WDPCP: variants seen among roughly 807,000 people sequenced by gnomAD.
WDPCP encodes WD repeat-containing and planar cell polarity effector protein fritz homolog.
A neutral mutation model predicts 93.1 loss-of-function variants in WDPCP; 71 were observed. The ratio of observed to expected loss-of-function variants is 0.76; its 90% CI spans 0.63 to 0.93. The LOEUF (loss-of-function observed/expected upper bound fraction) is 0.93, where lower values mean the gene tolerates loss of function less well. Ranked by LOEUF, WDPCP falls within the 40% of genes least tolerant of loss-of-function variation. WDPCP has a pLI of 0.00. For synonymous variants in WDPCP, 315 were observed against 315.0 expected (o/e 1.00, Z 0.00); for missense variants, 844 against 887.4 (o/e 0.95, Z 0.62).
chr2:63,807,787 A>C (rs1275247876), intron 2 of WDPCP, among the ~76,000 whole-genome samples: 5 of 152,226 alleles, frequency 3.3e-5, no homozygotes, highest in Non-Finnish European at 7.3e-5. Flanking sequence ...AGGAATACTA[A>C]ATACAAGACT....
intron 13 of WDPCP, among the ~76,000 whole-genome samples, chr2:63,296,703 A>G (rs536923108): frequency 6.6e-6 from 1 of 152,336 alleles, no homozygotes; most frequent in Non-Finnish European, 1.5e-5. Flanking sequence ...AGCAGCCATA[A>G]AAATTAAAAT....
intron 12 of WDPCP, among the ~76,000 whole-genome samples, chr2:63,373,074 G>A (rs1030367248): frequency 8.5e-5 from 13 of 152,108 alleles, no homozygotes; most frequent in Middle Eastern, 3.4e-3. Context: ...GGTGAGCCAA[G>A]ATAACTCCAT....
chr2:63,282,625 CTGAA>C (rs1459942787), intron 13 of WDPCP, among the ~76,000 whole-genome samples: 3 of 152,126 alleles, frequency 2.0e-5, no homozygotes, highest in East Asian at 3.8e-4. Flanking sequence ...TTGGATCTCT[CTGAA>C]TGTAATTTTT....
At chr2:63,604,897 T>C (rs1392095812) in intron 3 of WDPCP, 2 of 1,611,832 alleles carry the variant, frequency 1.2e-6, no homozygotes, top group Non-Finnish European at 8.5e-7. Context: ...TGAGCCTTCT[T>C]AACACTGAGC....
intron 7 of WDPCP, chr2:63,437,810 G>A: frequency 6.5e-7 from 1 of 1,543,122 alleles, no homozygotes; most frequent in South Asian, 1.2e-5. Flanking sequence ...CAATGGATGA[G>A]ATGTATTTAG....
intron 17 of WDPCP, among the ~76,000 whole-genome samples, chr2:63,139,725 T>C (rs1319456573): frequency 6.6e-6 from 1 of 152,244 alleles, no homozygotes; most frequent in Non-Finnish European, 1.5e-5. Flanking sequence ...CTTTGTTAGA[T>C]GTATAGATTG....
chr2:63,650,342 G>C (rs1225411118), intron 3 of WDPCP, among the ~76,000 whole-genome samples: 1 of 152,172 alleles, frequency 6.6e-6, no homozygotes, highest in Non-Finnish European at 1.5e-5. Flanking sequence ...TTATGCTGCT[G>C]GTCCAGGGAC....
At chr2:63,640,953 T>C in intron 3 of WDPCP, among the ~76,000 whole-genome samples, 1 of 152,186 alleles carries the variant, frequency 6.6e-6, no homozygotes, top group East Asian at 1.9e-4. Context: ...ACCATCCCCA[T>C]CTTCCTCCTA....
At position 63,338,455 on chromosome 2, in the gene WDPCP, G is replaced by A. The variant is rs148673921; in HGVS notation, c.1749-25144C>T. Among the ~76,000 whole-genome samples, 209 of 151,016 alleles carry A rather than the reference G, an allele frequency of 1.4e-3. 1 individual carries two copies. The highest frequency in any genetic ancestry group is 4.8e-3 in the African/African-American group (198 of 41,204). ...TAATTCCAGCTACTCCAGAAGCTGA[G>A]GCAGGAGAACCACCTGAACCCAGGA... On this transcript the variant is annotated intron_variant, in intron 12 of 17. Coordinates refer to ENST00000272321, the MANE Select transcript of WDPCP (RefSeq NM_015910.7).
At chr2:63,205,597 G>T (rs780589717) in intron 14 of WDPCP, among the ~76,000 whole-genome samples, 2 of 152,040 alleles carry the variant, frequency 1.3e-5, no homozygotes, top group Non-Finnish European at 2.9e-5. Flanking sequence ...TATTATAAAT[G>T]GGATTACTTT....
At chr2:63,566,430 CTTCT>C (rs1425550392) in intron 1 of WDPCP, among the ~76,000 whole-genome samples, 1 of 152,232 alleles carries the variant, frequency 6.6e-6, no homozygotes, top group Non-Finnish European at 1.5e-5. Flanking sequence ...AGCCAATGTA[CTTCT>C]TTCTTGTATT....
rs762871297 is a variant in WDPCP at position 63,153,519 on chromosome 2, T to A, written c.2134A>T (p.Met712Leu). 5 of 1,612,718 alleles carry A rather than the reference T, an allele frequency of 3.1e-6. No homozygotes were observed. In the South Asian group the frequency reaches 4.4e-5, roughly 14 times the overall value. The change falls in exon 16 of 18, where the codon ATG becomes TTG. Residue 712 changes from methionine to leucine, a missense_variant. By Grantham distance (15) the Met-to-Leu change is conservative. Coordinates refer to ENST00000272321, the MANE Select transcript of WDPCP (RefSeq NM_015910.7). ...LEKDICSGFL[M>L]TNTCNAEDGE... is the part of the protein sequence containing the mutation. ...CCTTCTGCATTACAGGTATTAGTCA[T>A]CAAAAATCCAGAACAGATGTCTTTT...
chr2:63,555,958 TC>T (rs1706084856), intron 1 of WDPCP, among the ~76,000 whole-genome samples: 1 of 151,926 alleles, frequency 6.6e-6, no homozygotes, highest in Non-Finnish European at 1.5e-5. Flanking sequence ...CTCCAAATAA[TC>T]CTCTCCAGCA....
chr2:63,291,582 G>T (rs899638267), intron 13 of WDPCP, among the ~76,000 whole-genome samples: 2 of 152,162 alleles, frequency 1.3e-5, no homozygotes, highest in Non-Finnish European at 2.9e-5. Context: ...GCTAAGGTGG[G>T]CAGATCTCTT....
rs773328792 is a variant in WDPCP at position 63,428,918 on chromosome 2, C to T, written c.825+4827G>A. ...CAACACAAATAAATGGAAAAACATT[C>T]CATGCTCAGAGATTGGAAGAATCAT... is the stretch of plus-strand genomic sequence containing the variant. On this transcript the variant is annotated intron_variant, in intron 9 of 17. Coordinates refer to ENST00000272321, the MANE Select transcript of WDPCP (RefSeq NM_015910.7). Among the ~76,000 whole-genome samples the T allele has an allele frequency of 4.3e-4, 65 of 152,168 alleles. 1 individual carries two copies. Among genetic ancestry groups the T allele is most frequent in the Non-Finnish European group, 1.0e-4 (7 of 68,026 alleles).
intron 3 of WDPCP, chr2:63,622,041 C>T (rs1444853400): frequency 6.3e-5 from 43 of 686,198 alleles, no homozygotes; most frequent in Middle Eastern, 4.8e-4. Flanking sequence ...CCACTCCCCT[C>T]ACCCCTCAAC....
At chr2:63,624,479 TAAAA>T (rs1222995749) in intron 3 of WDPCP, among the ~76,000 whole-genome samples, 4 of 151,444 alleles carry the variant, frequency 2.6e-5, no homozygotes, top group African/African-American at 9.7e-5. Context: ...ATAGACACAA[TAAAA>T]AAAGATAAAG....
At chr2:63,800,806 A>G (rs1422165416) in intron 2 of WDPCP, among the ~76,000 whole-genome samples, 3 of 152,196 alleles carry the variant, frequency 2.0e-5, no homozygotes, top group Non-Finnish European at 2.9e-5. Flanking sequence ...TAATCCAAGC[A>G]CTTTGGGAGG....
chr2:63,761,918 C>T (rs1227461793), intron 2 of WDPCP, among the ~76,000 whole-genome samples: 1 of 152,156 alleles, frequency 6.6e-6, no homozygotes, highest in African/African-American at 2.4e-5. Context: ...GGTATTAACA[C>T]ATCTTCTTTT....
Sources: gnomAD v4.1 joint callset for allele counts (sites outside exome capture counted in the v4.1 genomes callset) on GRCh38, gnomAD v4.1.1 for gene constraint, MANE v1.5 for transcripts, NCBI Gene and HGNC (gene_info 2026-07-23, HGNC 2026-07-21) for gene names.